CTNNA3: variants seen among roughly 807,000 people sequenced by gnomAD.
CTNNA3 encodes catenin alpha 3.
In CTNNA3, 76 loss-of-function variants were observed where a neutral mutation model predicts 95.7. The ratio of observed to expected loss-of-function variants is 0.79; its 90% CI spans 0.66 to 0.96. CTNNA3 has a LOEUF of 0.96. Ranked by LOEUF, CTNNA3 falls within the 40% of genes least tolerant of loss-of-function variation. CTNNA3 has a pLI of 0.00. For synonymous variants in CTNNA3, 431 were observed against 374.4 expected, an observed-to-expected ratio of 1.15 and a Z score of -1.74; for missense variants, 1,191 against 1,089.8, an observed-to-expected ratio of 1.09 and a Z score of -1.31.
chr10:66,502,153 G>A lies in CTNNA3; in HGVS notation c.1531+18464C>T, dbSNP rs116455370. Among the ~76,000 whole-genome samples the A allele has an allele frequency of 3.6e-3, 549 of 152,184 alleles. 6 individuals are homozygous for A. The highest frequency in any genetic ancestry group is 0.013 in the African/African-American group (536 of 41,558). ...TAGAGTCTGACCCTGGGTGATAAAGGTTTAGGTATTTTTCATTTTCACAAA... is the reference window on the plus strand; with the variant it reads ...TAGAGTCTGACCCTGGGTGATAAAGATTTAGGTATTTTTCATTTTCACAAA... On this transcript the variant is annotated intron_variant, in intron 11 of 17. Coordinates refer to ENST00000433211, the MANE Select transcript of CTNNA3 (RefSeq NM_013266.4).
At chr10:66,082,792 A>G (rs1395140583) in intron 14 of CTNNA3, among the ~76,000 whole-genome samples, 1 of 152,170 alleles carries the variant, frequency 6.6e-6, no homozygotes, top group African/African-American at 2.4e-5. Flanking sequence ...AATACAGAAT[A>G]ATTTACTTCA....
chr10:67,084,835 T>C (rs1007341054), intron 7 of CTNNA3, among the ~76,000 whole-genome samples: 2 of 151,960 alleles, frequency 1.3e-5, no homozygotes, highest in African/African-American at 2.4e-5. Context: ...TCATTGCTGA[T>C]TTTATATCAT....
Position 65,988,767 on chromosome 10 carries a change from A to G in CTNNA3, c.2190T>C (p.Asp730=), listed in dbSNP as rs1369158181. 1.2e-6 allele frequency: 2 copies of G among 1,613,898 alleles called. No homozygotes were observed. The highest frequency in any genetic ancestry group is 1.7e-6 in the Non-Finnish European group (2 of 1,179,878). The part of the protein sequence containing the change: ...RGKGPLKHTT[D]VIYAAKMISE... ...ATATCATTTTCGCTGCATAGATCAC[A>G]TCAGTTGTATGCTTTAGTGGTCCTT... The change falls in exon 16 of 18, where the codon GAT becomes GAC. Residue 730 remains aspartate (D), a synonymous_variant. Coordinates refer to ENST00000433211, the MANE Select transcript of CTNNA3 (RefSeq NM_013266.4).
intron 11 of CTNNA3, among the ~76,000 whole-genome samples, chr10:66,508,775 A>G (rs939099137): frequency 4.6e-5 from 7 of 152,030 alleles, no homozygotes; most frequent in African/African-American, 1.7e-4. Flanking sequence ...TTTCTTTATC[A>G]ATTCAACCTG....
chr10:67,390,917 G>C (rs1310519213), intron 5 of CTNNA3, among the ~76,000 whole-genome samples: 1 of 151,338 alleles, frequency 6.6e-6, no homozygotes, highest in Non-Finnish European at 1.5e-5. Context: ...AAAATAATAA[G>C]AGCTATCTAT....
At chr10:66,228,796 G>C (rs1318813104) in intron 13 of CTNNA3, among the ~76,000 whole-genome samples, 1 of 152,052 alleles carries the variant, frequency 6.6e-6, no homozygotes, top group Non-Finnish European at 1.5e-5. Flanking sequence ...CGTTCTAATA[G>C]TATTTGCTTC....
At chr10:66,841,849 T>C (rs1421564367) in intron 7 of CTNNA3, among the ~76,000 whole-genome samples, 1 of 152,114 alleles carries the variant, frequency 6.6e-6, no homozygotes, top group African/African-American at 2.4e-5. Context: ...TACTAACAAC[T>C]GCCATAAAAT....
At chr10:66,633,409 A>G (rs183566107) in intron 9 of CTNNA3, among the ~76,000 whole-genome samples, 2,091 of 152,256 alleles carry the variant, frequency 0.014, 21 homozygotes, top group Non-Finnish European at 0.02. Context: ...GACCAGGTGC[A>G]GTGGCTCACG....
At chr10:66,191,045 T>G (rs952500629) in intron 13 of CTNNA3, among the ~76,000 whole-genome samples, 3 of 152,118 alleles carry the variant, frequency 2.0e-5, no homozygotes, top group African/African-American at 7.2e-5. Context: ...AGTCAGAATA[T>G]TATACTTTCT....
chr10:66,483,884 A>T (rs1324008448), intron 11 of CTNNA3, among the ~76,000 whole-genome samples: 1 of 152,142 alleles, frequency 6.6e-6, no homozygotes, highest in Non-Finnish European at 1.5e-5. Context: ...AAAAAAACTT[A>T]AAAAAATAAG....
At chr10:67,592,822 C>A (rs1842828730) in intron 3 of CTNNA3, among the ~76,000 whole-genome samples, 1 of 152,092 alleles carries the variant, frequency 6.6e-6, no homozygotes, top group Admixed American at 6.6e-5. Flanking sequence ...TTTCTCCTTC[C>A]AACATTTATT....
intron 10 of CTNNA3, among the ~76,000 whole-genome samples, chr10:66,551,896 CTTTTTTTT>C (rs141885331): frequency 4.4e-5 from 5 of 113,962 alleles, no homozygotes; most frequent in South Asian, 2.9e-4. Flanking sequence ...TTTTCTTTTC[CTTTTTTTT>C]TTTTTTTTTT....
chr10:66,620,856 C>G (rs1037507487), intron 10 of CTNNA3, among the ~76,000 whole-genome samples: 1 of 152,136 alleles, frequency 6.6e-6, no homozygotes, highest in East Asian at 1.9e-4. Flanking sequence ...CTGAGAATCT[C>G]AGGAGACGTC....
chr10:66,880,753 C>A (rs540671252), intron 7 of CTNNA3, among the ~76,000 whole-genome samples: 1 of 151,978 alleles, frequency 6.6e-6, no homozygotes, highest in Non-Finnish European at 1.5e-5. Context: ...AAGTCTTTGA[C>A]AAAATTCAGA....
At chr10:66,199,765 CTATATA>C (rs59585958) in intron 13 of CTNNA3, among the ~76,000 whole-genome samples, 129 of 30,678 alleles carry the variant, frequency 4.2e-3, no homozygotes, top group African/African-American at 6.3e-3. Context: ...CCACGCCTGG[CTATATA>C]TATATATATA....
chr10:65,953,479 G>A (rs1670165), intron 17 of CTNNA3, among the ~76,000 whole-genome samples: 21,723 of 151,688 alleles, frequency 0.14, 1,782 homozygotes, highest in South Asian at 0.26. Flanking sequence ...TTGGTGTGCT[G>A]CACCCATTAA....
intron 11 of CTNNA3, among the ~76,000 whole-genome samples, chr10:66,431,572 A>C (rs529983354): frequency 6.6e-4 from 100 of 152,216 alleles, no homozygotes; most frequent in South Asian, 4.4e-3. Context: ...AGCCATAAAA[A>C]ATGATGAGTT....
intron 5 of CTNNA3, among the ~76,000 whole-genome samples, chr10:67,318,434 G>A (rs1003137985): frequency 6.6e-6 from 1 of 152,120 alleles, no homozygotes; most frequent in African/African-American, 2.4e-5. Flanking sequence ...AGTGGATGTT[G>A]GGGGCTCACA....
chr10:66,378,942 A>G (rs559867215), intron 12 of CTNNA3, among the ~76,000 whole-genome samples: 1 of 152,320 alleles, frequency 6.6e-6, no homozygotes, highest in East Asian at 1.9e-4. Context: ...TATAACGCAT[A>G]TATTTATAGA....
Sources: gnomAD v4.1 joint callset for allele counts (sites outside exome capture counted in the v4.1 genomes callset) on GRCh38, gnomAD v4.1.1 for gene constraint, MANE v1.5 for transcripts, NCBI Gene and HGNC (gene_info 2026-07-23, HGNC 2026-07-21) for gene names.